Variants in ATP2B2 observed in about 807,000 individuals in gnomAD.
ATP2B2 encodes the protein plasma membrane calcium-transporting ATPase 2.
Under a neutral mutation model 120.0 loss-of-function variants are expected in ATP2B2, and 15 were observed. The ratio of observed to expected loss-of-function variants is 0.12; its 90% CI spans 0.08 to 0.19. The LOEUF (loss-of-function observed/expected upper bound fraction) is 0.19, where lower values mean the gene tolerates loss of function less well. ATP2B2 is among the 10% of genes least tolerant of loss of function. ATP2B2 has a pLI of 1.00. For missense variants in ATP2B2, 1,045 were observed against 1,719.8 expected, an observed-to-expected ratio of 0.61 and a Z score of 6.94; for synonymous variants, 694 against 700.3, an observed-to-expected ratio of 0.99 and a Z score of 0.14.
intron 10 of ATP2B2, among the ~76,000 whole-genome samples, 200 bp downstream of exon 10, chr3:10,378,052 T>C (rs1361240708): frequency 6.6e-6 from 1 of 152,236 alleles, no homozygotes; most frequent in Non-Finnish European, 1.5e-5. Flanking sequence ...AGCTTCACTC[T>C]TCTGTATCAC....
chr3:10,416,237 G>A lies in ATP2B2; in HGVS notation c.200-5422C>T, dbSNP rs577489072. Among the ~76,000 whole-genome samples the A allele has an allele frequency of 3.9e-5, 6 of 152,250 alleles. No homozygotes were observed. The South Asian group carries it at 8.3e-4, about 21-fold the overall frequency. On this transcript the variant is annotated intron_variant, in intron 2 of 22. Coordinates refer to ENST00000360273, the MANE Select transcript of ATP2B2 (RefSeq NM_001001331.4). ...CTGTATAGGAACTCCCTGCTGTCAC[G>A]GCTGCTTGCTGTCAGTGGGTATTTG...
At chr3:10,491,224 A>ATTTTTT (rs3077070) in intron 1 of ATP2B2, among the ~76,000 whole-genome samples, 2 of 119,992 alleles carry the variant, frequency 1.7e-5, no homozygotes, top group African/African-American at 6.3e-5. Context: ...CCTTCATTCC[A>ATTTTTT]TTTTTTTTTT....
At chr3:10,395,332 G>A (rs767323254) in intron 5 of ATP2B2, among the ~76,000 whole-genome samples, 1 of 152,200 alleles carries the variant, frequency 6.6e-6, no homozygotes, top group African/African-American at 2.4e-5. Flanking sequence ...CCTGGAGAAC[G>A]CTGCAGGCAC....
At chr3:10,627,880 T>C (rs1305602309) in intron 1 of ATP2B2, among the ~76,000 whole-genome samples, 2 of 152,252 alleles carry the variant, frequency 1.3e-5, no homozygotes, top group South Asian at 2.1e-4. Flanking sequence ...AGATAGGTTC[T>C]GTAAAAAAGG....
intron 3 of ATP2B2, among the ~76,000 whole-genome samples, chr3:10,520,065 C>T (rs2066952792): frequency 1.3e-5 from 2 of 152,236 alleles, no homozygotes; most frequent in African/African-American, 4.8e-5. Flanking sequence ...GGACATGCTG[C>T]TCTTCCTAAA....
At chr3:10,591,593 C>T (rs1219686454) in intron 2 of ATP2B2, among the ~76,000 whole-genome samples, 5 of 152,324 alleles carry the variant, frequency 3.3e-5, no homozygotes, top group East Asian at 1.9e-4. Context: ...CTTAAAAACA[C>T]GCCTTTCCTT....
At chr3:10,366,315 A>T (rs2061055841) in intron 12 of ATP2B2, among the ~76,000 whole-genome samples, 1 of 151,920 alleles carries the variant, frequency 6.6e-6, no homozygotes, top group African/African-American at 2.4e-5. Flanking sequence ...AGCACAGCCA[A>T]CCCTCCTCCC....
chr3:10,411,986 G>C (rs561674889), intron 2 of ATP2B2, among the ~76,000 whole-genome samples: 2 of 152,320 alleles, frequency 1.3e-5, no homozygotes, highest in South Asian at 4.1e-4. Context: ...AAAGGCCTTG[G>C]GAGGCTGCTC....
intron 2 of ATP2B2, among the ~76,000 whole-genome samples, chr3:10,432,343 G>T (rs942752463): frequency 1.3e-5 from 2 of 152,228 alleles, no homozygotes; most frequent in African/African-American, 4.8e-5. Flanking sequence ...CCACATTGAG[G>T]CTGCACAGGC....
At chr3:10,576,804 T>C (rs557076864) in intron 2 of ATP2B2, among the ~76,000 whole-genome samples, 33 of 152,062 alleles carry the variant, frequency 2.2e-4, no homozygotes, top group East Asian at 7.8e-4. Context: ...GTGGCTCACG[T>C]CTGTAATCCC....
intron 2 of ATP2B2, among the ~76,000 whole-genome samples, chr3:10,415,164 C>T (rs575875891): frequency 6.6e-6 from 1 of 152,242 alleles, no homozygotes; most frequent in African/African-American, 2.4e-5. Flanking sequence ...TCACCTCTCA[C>T]TGCCTTCATT....
chr3:10,602,673 A>T (rs777473880), intron 2 of ATP2B2, among the ~76,000 whole-genome samples: 9 of 152,380 alleles, frequency 5.9e-5, no homozygotes, highest in Non-Finnish European at 1.0e-4. Flanking sequence ...TTTAAAGAGA[A>T]CATAATCAGG....
intron 4 of ATP2B2, among the ~76,000 whole-genome samples, chr3:10,401,536 T>G (rs2062219737): frequency 6.6e-6 from 1 of 152,118 alleles, no homozygotes; most frequent in Non-Finnish European, 1.5e-5. Flanking sequence ...CACTCCAATC[T>G]CTCCCCTACC....
intron 1 of ATP2B2, among the ~76,000 whole-genome samples, chr3:10,454,723 T>C (rs902595175): frequency 2.0e-5 from 3 of 152,224 alleles, no homozygotes; most frequent in African/African-American, 4.8e-5. Context: ...TTTTCACAGA[T>C]TGACAGAACT....
At chr3:10,610,565 C>T (rs570014744) in intron 2 of ATP2B2, among the ~76,000 whole-genome samples, 12 of 152,286 alleles carry the variant, frequency 7.9e-5, no homozygotes, top group South Asian at 2.1e-4. Flanking sequence ...TATGGACTTC[C>T]GGGTAAAGTG....
chr3:10,535,918 C>CT (rs59876463), intron 2 of ATP2B2, among the ~76,000 whole-genome samples: 4,108 of 147,734 alleles, frequency 0.028, 155 homozygotes, highest in East Asian at 0.18. Context: ...TTTCTTTTTT[C>CT]TTTTTTTTTT....
intron 2 of ATP2B2, among the ~76,000 whole-genome samples, chr3:10,598,953 A>T (rs1441808503): frequency 6.6e-6 from 1 of 152,238 alleles, no homozygotes; most frequent in East Asian, 1.9e-4. Context: ...AGGGAAAAGC[A>T]TATCTGATAA....
At chr3:10,412,610 G>A (rs1246125466) in intron 2 of ATP2B2, among the ~76,000 whole-genome samples, 1 of 152,122 alleles carries the variant, frequency 6.6e-6, no homozygotes, top group African/African-American at 2.4e-5. Flanking sequence ...GGAGGACAGT[G>A]GCCCTCTGCC....
intron 2 of ATP2B2, among the ~76,000 whole-genome samples, chr3:10,556,201 G>GAAGCCC (rs2067774994): frequency 6.6e-6 from 1 of 152,164 alleles, no homozygotes; most frequent in Non-Finnish European, 1.5e-5. Flanking sequence ...TGCTTGGCCA[G>GAAGCCC]AAGCCCATTT....
Sources: gnomAD v4.1 joint callset for allele counts (sites outside exome capture counted in the v4.1 genomes callset) on GRCh38, gnomAD v4.1.1 for gene constraint, MANE v1.5 for transcripts, NCBI Gene and HGNC (gene_info 2026-07-23, HGNC 2026-07-21) for gene names.